ADD1: variants seen among roughly 807,000 people sequenced by gnomAD.
The protein encoded by ADD1 is alpha-adducin.
ADD1 carries 24 observed loss-of-function variants against 80.5 expected under a neutral mutation model. That is an observed-to-expected ratio of 0.30 (90% CI 0.22 to 0.42). The LOEUF (loss-of-function observed/expected upper bound fraction) is 0.42. Among genes scored for constraint, ADD1 ranks in the 10% least tolerant of loss-of-function variants. The pLI is 1.00. For missense variants in ADD1, 948 were observed against 1,019.0 expected, an observed-to-expected ratio of 0.93 and a Z score of 0.95; for synonymous variants, 373 against 393.8, an observed-to-expected ratio of 0.95 and a Z score of 0.63.
At chr4:2,923,547 C>G (rs1185290961) in intron 14 of ADD1, among the ~76,000 whole-genome samples, 1 of 152,270 alleles carries the variant, frequency 6.6e-6, no homozygotes, top group Non-Finnish European at 1.5e-5. Context: ...CTGCGTTGAT[C>G]TCACTGGGAG....
Position 2,894,014 on chromosome 4 carries a change from C to G in ADD1, c.512C>G (p.Thr171Ser). 6.2e-7 allele frequency: 1 copy of G among 1,613,798 alleles called. No individual in the cohort carries two copies. Residue 171 changes from threonine to serine, a missense_variant and splice_region_variant, in exon 5 of 16, where the codon ACC (threonine) becomes AGC (serine). Transcript: ENST00000683351. ...CTAATTCAGTCATTTTCCCCACAGA[C>G]CAGAGTGAACTCCGAGCAGGAACAC... is the stretch of plus-strand genomic sequence containing the variant. ...WSQLIYNHIT[T>S]RVNSEQEHFL...
At chr4:2,864,581 T>G (rs1363857838) in intron 1 of ADD1, among the ~76,000 whole-genome samples, 1 of 152,214 alleles carries the variant, frequency 6.6e-6, no homozygotes, top group African/African-American at 2.4e-5. Context: ...TTAGAATGTA[T>G]CTGAGATGCC....
intron 3 of ADD1, among the ~76,000 whole-genome samples, chr4:2,884,164 C>T (rs115323190): frequency 1.3e-3 from 202 of 152,260 alleles, no homozygotes; most frequent in African/African-American, 4.7e-3. Flanking sequence ...CTTTACTGCA[C>T]GCCACAAATT....
At chr4:2,856,155 G>T (rs1728030122) in intron 1 of ADD1, among the ~76,000 whole-genome samples, 1 of 151,568 alleles carries the variant, frequency 6.6e-6, no homozygotes, top group Non-Finnish European at 1.5e-5. Context: ...GCCTTCCAAA[G>T]TGCTAGGATT....
At chr4:2,849,103 C>G (rs995492465) in intron 1 of ADD1, among the ~76,000 whole-genome samples, 1 of 152,142 alleles carries the variant, frequency 6.6e-6, no homozygotes, top group Non-Finnish European at 1.5e-5. Flanking sequence ...GGTTTATACT[C>G]CTACCAACTG....
intron 2 of ADD1, among the ~76,000 whole-genome samples, chr4:2,880,388 G>T (rs1577535196): frequency 1.3e-5 from 2 of 149,408 alleles, no homozygotes. Context: ...AATTTGATGT[G>T]GATTAACATC....
At chr4:2,846,941 T>C (rs2108768139) in intron 1 of ADD1, among the ~76,000 whole-genome samples, 1 of 149,640 alleles carries the variant, frequency 6.7e-6, no homozygotes, top group South Asian at 2.1e-4. Context: ...CATGGTGAAA[T>C]CCCGTCTCTA....
intron 4 of ADD1, among the ~76,000 whole-genome samples, chr4:2,888,054 G>GTTATTA (rs528019059): frequency 7.2e-5 from 11 of 151,826 alleles, no homozygotes; most frequent in African/African-American, 2.2e-4. Flanking sequence ...TAATTACAGC[G>GTTATTA]TTATTATTAT....
chr4:2,894,556 T>C (rs377741793), intron 5 of ADD1, 26 bp from the exon 6 acceptor site: 6 of 1,572,814 alleles, frequency 3.8e-6, no homozygotes, highest in Non-Finnish European at 5.2e-6. Flanking sequence ...TCTTGGTATT[T>C]TACATTTTTA....
At chr4:2,899,228 C>G in intron 8 of ADD1, 31 bp from the exon 9 acceptor site, 1 of 1,583,210 alleles carries the variant, frequency 6.3e-7, no homozygotes, top group South Asian at 1.2e-5. Context: ...CAGTAAGGAA[C>G]TCAAGCCATG....
In ADD1 at chr4:2,916,890, A is replaced by G. The variant is rs565586724; in HGVS notation, c.1948+1850A>G. 2.2e-4 allele frequency among the ~76,000 whole-genome samples: 34 copies of G among 152,312 alleles called. No homozygotes were observed. The South Asian group carries it at 6.8e-3, about 31-fold the overall frequency. ...TCATCCTTTTTTATGATTGCATAGT[A>G]TTCCATGGTGTATATGTGCCACATT... On this transcript the variant is annotated intron_variant, in intron 14 of 15. Transcript: ENST00000683351.
chr4:2,921,360 C>T (rs763169194), intron 14 of ADD1, among the ~76,000 whole-genome samples: 4 of 152,258 alleles, frequency 2.6e-5, no homozygotes, highest in Non-Finnish European at 5.9e-5. Flanking sequence ...GATCTCTTGT[C>T]CTCATGATCT....
chr4:2,869,372 C>T (rs1730060814), intron 1 of ADD1, among the ~76,000 whole-genome samples: 1 of 150,046 alleles, frequency 6.7e-6, no homozygotes, highest in Non-Finnish European at 1.5e-5. Context: ...CCTCTGCCTT[C>T]ATCTACACTT....
chr4:2,899,329 A>T lies in ADD1; in HGVS notation c.1055A>T (p.Lys352Met), dbSNP rs755796751. ...VLLNPEKYKA[K>M]SRSPGSPVGE... is the part of the protein sequence containing the mutation. ...CTGAATCCTGAGAAGTACAAAGCCAAGTCCCGTTCCCCAGGGTCTCCGGTA... is the reference window on the plus strand; with the variant it reads ...CTGAATCCTGAGAAGTACAAAGCCATGTCCCGTTCCCCAGGGTCTCCGGTA... The change falls in exon 9 of 16, where the codon AAG (lysine) becomes ATG (methionine). Residue 352 changes from lysine (K) to methionine (M), a missense_variant. Lys to Met is a moderately conservative substitution (Grantham distance 95, BLOSUM62 -1). Transcript: ENST00000683351. 1 of 1,614,234 alleles carries T rather than the reference A, an allele frequency of 6.2e-7. No individual in the cohort carries two copies. Among genetic ancestry groups the T allele is most frequent in the Non-Finnish European group, 8.5e-7 (1 of 1,180,042 alleles).
chr4:2,894,028 G>A lies in ADD1; in HGVS notation c.526G>A (p.Glu176Lys), dbSNP rs1385252961. Residue 176 changes from glutamate to lysine, a missense_variant, in exon 5 of 16, where the codon GAG becomes AAG. Transcript: ENST00000683351. ...TTCCCCACAGACCAGAGTGAACTCCGAGCAGGAACACTTCCTCATTGTCCC... is the reference window on the plus strand; with the variant it reads ...TTCCCCACAGACCAGAGTGAACTCCAAGCAGGAACACTTCCTCATTGTCCC... ...YNHITTRVNS[E>K]QEHFLIVPFG... is the part of the protein sequence containing the mutation. 5.6e-6 allele frequency: 9 copies of A among 1,614,072 alleles called. No homozygotes were observed. The highest frequency in any genetic ancestry group is 2.2e-5 in the South Asian group (2 of 91,080).
At position 2,915,035 on chromosome 4, in the gene ADD1, C is replaced by G. The variant is rs4963; in HGVS notation, c.1943C>G (p.Ser648Cys). 0.19 allele frequency: 307,485 copies of G among 1,610,858 alleles called. 32,157 individuals carry two copies. The highest frequency in any genetic ancestry group is 0.51 in the East Asian group (22,762 of 44,758). Residue 648 changes from serine to cysteine, a missense_variant, in exon 14 of 16, where the codon TCT becomes TGT. Transcript: ENST00000683351. ...GAGGTGGAGAGGAAGCAGAAGGGCT[C>G]TGAAGGTGAGTGCTTGTGGTCCTGG... is the stretch of plus-strand genomic sequence containing the variant. ...RREVERKQKGSEENLDEAREQ... is the reference protein window; with the variant it reads ...RREVERKQKGCEENLDEAREQ...
In ADD1 at chr4:2,928,219, T is replaced by A. The variant is rs1336654465; in HGVS notation, c.2096T>A (p.Phe699Tyr). ...GGAGATGACAGTGATGCTGCCACCTTTAAGCCAACTCTCCCCGATCTGTCC... is the reference window on the plus strand; with the variant it reads ...GGAGATGACAGTGATGCTGCCACCTATAAGCCAACTCTCCCCGATCTGTCC... ...TTGDDSDAAT[F>Y]KPTLPDLSPD... The change falls in exon 16 of 16, where the codon TTT (phenylalanine) becomes TAT (tyrosine). Residue 699 changes from phenylalanine (F) to tyrosine (Y), a missense_variant. Physicochemically the swap from Phe to Tyr is conservative, Grantham distance 22 (BLOSUM62 3). Coordinates refer to ENST00000683351, the MANE Select transcript of ADD1 (RefSeq NM_001354761.2). The A allele has an allele frequency of 6.2e-7, 1 of 1,614,010 alleles. No individual in the cohort carries two copies.
At chr4:2,903,489 A>T (rs1269943382) in intron 9 of ADD1, among the ~76,000 whole-genome samples, 1 of 152,222 alleles carries the variant, frequency 6.6e-6, no homozygotes, top group African/African-American at 2.4e-5. Context: ...GGTTCTCATC[A>T]GGAGACTTGA....
rs557491074 is a variant in ADD1 at position 2,891,795 on chromosome 4, C to T, written c.511-2218C>T. Among the ~76,000 whole-genome samples the T allele has an allele frequency of 2.6e-5, 4 of 152,260 alleles. No individual in the cohort carries two copies. The South Asian group carries it at 6.2e-4, about 24-fold the overall frequency. ...GTTATCTGACTTTGGATTTTGTGCT[C>T]TTAACCCTGTTATGCTCTACAGAGA... On this transcript the variant is annotated intron_variant, in intron 4 of 15. Transcript: ENST00000683351.
Sources: allele counts gnomAD v4.1 joint callset (sites outside exome capture counted in the v4.1 genomes callset), GRCh38; gene constraint gnomAD v4.1.1; transcripts MANE v1.5; gene names NCBI Gene and HGNC (gene_info 2026-07-23, HGNC 2026-07-21).